The following LNPEP variants were observed in gnomAD, a reference collection of about 807,000 sequenced individuals.
LNPEP encodes the protein leucyl-cystinyl aminopeptidase.
Under a neutral mutation model 120.6 loss-of-function variants are expected in LNPEP, and 64 were observed. That is an observed-to-expected ratio of 0.53 (90% CI 0.43 to 0.65). The LOEUF is 0.65. LNPEP is among the 30% of genes least tolerant of loss of function. The pLI is 0.00. For synonymous variants in LNPEP, 435 were observed against 425.4 expected, an observed-to-expected ratio of 1.02 and a Z score of -0.28; for missense variants, 1,057 against 1,200.0, an observed-to-expected ratio of 0.88 and a Z score of 1.76.
At chr5:96,953,303 T>C (rs1404545601) in intron 1 of LNPEP, among the ~76,000 whole-genome samples, 1 of 149,896 alleles carries the variant, frequency 6.7e-6, no homozygotes, top group Non-Finnish European at 1.5e-5. Context: ...ATTAGCATTT[T>C]GTTAGTGTGA....
chr5:97,003,416 G>A lies in LNPEP; in HGVS notation c.1655G>A (p.Gly552Glu). ...TTTCCTCACTTTTTTTTTTAATAGG[G>A]ATCTTCTCTCTTGTTGATGTTGAAA... ...EMFDSLSYFK[G>E]SSLLLMLKTY... The change falls in exon 9 of 18, where the codon GGA becomes GAA. Residue 552 changes from glycine to glutamate, a missense_variant and splice_region_variant. Gly to Glu is a moderately conservative substitution (Grantham distance 98). Coordinates refer to ENST00000231368, the MANE Select transcript of LNPEP (RefSeq NM_005575.3). 1 of 1,510,598 alleles carries A rather than the reference G, an allele frequency of 6.6e-7. No homozygotes were observed. The highest frequency in any genetic ancestry group is 9.0e-7 in the Non-Finnish European group (1 of 1,112,772). The allele number at this position is 1,510,598 out of a possible 1,614,324, so 93.6% of individuals were successfully genotyped here.
Position 96,998,148 on chromosome 5 carries a change from A to G in LNPEP, c.1653+3A>G. On this transcript the variant is annotated splice_donor_region_variant and intron_variant, in intron 8 of 17. Coordinates refer to ENST00000231368, the MANE Select transcript of LNPEP (RefSeq NM_005575.3). The stretch of plus-strand genomic sequence containing the variant: ...TTGATTCTCTTTCCTATTTTAAGGT[A>G]TTGCTGTGAACAAAAAGGTAGCTGG... The G allele has an allele frequency of 6.3e-7, 1 of 1,590,558 alleles. No individual in the cohort carries two copies. Among genetic ancestry groups the G allele is most frequent in the Non-Finnish European group, 8.5e-7 (1 of 1,171,570 alleles).
intron 1 of LNPEP, among the ~76,000 whole-genome samples, chr5:96,978,711 C>T (rs1352962651): frequency 1.3e-5 from 2 of 152,110 alleles, no homozygotes; most frequent in East Asian, 3.9e-4. Context: ...AGAAGGGGAA[C>T]CGTGGACTGT....
chr5:96,942,602 C>T lies in LNPEP; in HGVS notation c.19+6428C>T, dbSNP rs182165112. ...CCAGGAGGCGGAGGTTGCAGTGAGC[C>T]GAGATCGTGCCACTGCATTCCAGCC... On this transcript the variant is annotated intron_variant, in intron 1 of 17. Transcript: ENST00000231368. Among the ~76,000 whole-genome samples the T allele has an allele frequency of 3.2e-3, 473 of 149,834 alleles. 6 individuals are homozygous for T. Among genetic ancestry groups the T allele is most frequent in the Admixed American group, 0.022 (327 of 14,948 alleles).
chr5:96,954,805 C>A (rs1789423433), intron 1 of LNPEP, among the ~76,000 whole-genome samples: 1 of 41,520 alleles, frequency 2.4e-5, no homozygotes, highest in African/African-American at 8.8e-5. Context: ...TTTTTTGAGA[C>A]AGAGTCTTGC....
chr5:96,978,756 C>T (rs986902241), intron 1 of LNPEP, among the ~76,000 whole-genome samples: 19 of 152,162 alleles, frequency 1.2e-4, no homozygotes, highest in African/African-American at 1.9e-4. Context: ...ACTGACTCCT[C>T]GCCTGGTGGG....
intron 3 of LNPEP, among the ~76,000 whole-genome samples, chr5:96,985,586 CTT>C (rs1321406688): frequency 1.3e-5 from 2 of 152,036 alleles, no homozygotes; most frequent in Admixed American, 6.6e-5. Context: ...AATAATAACT[CTT>C]TTTGGTGTTT....
chr5:97,030,458 A>G lies in LNPEP; in HGVS notation c.*1925A>G, dbSNP rs1791444752. ...TTTTTACCATGTGGTACTAAATTCC[A>G]CTTTGATACAAAATTTAAATTTTGT... On this transcript the variant is annotated 3_prime_UTR_variant, in exon 18 of 18. Transcript: ENST00000231368. The G allele has an allele frequency of 2.0e-5, 3 of 152,146 alleles. No individual in the cohort carries two copies. The South Asian group carries it at 6.2e-4, about 31-fold the overall frequency. 9.4% of individuals were successfully genotyped at this position (152,146 alleles called of 1,614,324 possible).
intron 9 of LNPEP, among the ~76,000 whole-genome samples, chr5:97,004,748 C>T (rs1790738772): frequency 6.6e-6 from 1 of 152,140 alleles, no homozygotes; most frequent in African/African-American, 2.4e-5. Flanking sequence ...AGAAGATATA[C>T]CTTCCCTACT....
chr5:97,026,541 C>T, intron 15 of LNPEP, 76 bp from the exon 16 acceptor site: 1 of 1,181,422 alleles, frequency 8.5e-7, no homozygotes, highest in Non-Finnish European at 1.2e-6. Context: ...GGAAACCATA[C>T]TAATTTTAAT....
chr5:96,943,512 C>G (rs576252588), intron 1 of LNPEP, among the ~76,000 whole-genome samples: 3 of 152,324 alleles, frequency 2.0e-5, no homozygotes, highest in Admixed American at 1.3e-4. Flanking sequence ...GTCTCGAACT[C>G]CTGGGCTCCA....
At chr5:96,937,021 G>A (rs982534960) in intron 1 of LNPEP, 3 of 152,210 alleles carry the variant, frequency 2.0e-5, no homozygotes, top group African/African-American at 7.2e-5. Flanking sequence ...GGGGTGAGAT[G>A]TCTTACCGTT....
chr5:96,959,898 C>T (rs1045221573), intron 1 of LNPEP, among the ~76,000 whole-genome samples: 2 of 148,044 alleles, frequency 1.4e-5, no homozygotes, highest in African/African-American at 4.9e-5. Flanking sequence ...TATTTCAACA[C>T]ATTTTAAATT....
At chr5:96,959,455 G>A (rs1266058526) in intron 1 of LNPEP, among the ~76,000 whole-genome samples, 1 of 152,114 alleles carries the variant, frequency 6.6e-6, no homozygotes, top group Non-Finnish European at 1.5e-5. Context: ...GAAGAGATAG[G>A]AATGGGATTA....
chr5:97,025,524 T>A (rs1369219162), intron 15 of LNPEP, among the ~76,000 whole-genome samples: 1 of 152,232 alleles, frequency 6.6e-6, no homozygotes, highest in African/African-American at 2.4e-5. Context: ...TGATAAAGAA[T>A]TTAAACAGTA....
intron 1 of LNPEP, among the ~76,000 whole-genome samples, chr5:96,973,592 A>G (rs1329236449): frequency 6.6e-6 from 1 of 152,164 alleles, no homozygotes; most frequent in Non-Finnish European, 1.5e-5. Flanking sequence ...ATTGGATATT[A>G]TAAGTAGTCT....
chr5:96,984,975 C>T, intron 2 of LNPEP, 105 bp from the exon 3 acceptor site: 7 of 1,229,574 alleles, frequency 5.7e-6, no homozygotes, highest in Non-Finnish European at 8.1e-6. Flanking sequence ...TATTGCAGAT[C>T]CTTTAGTAAC....
chr5:96,960,140 G>A (rs1482089133), intron 1 of LNPEP, among the ~76,000 whole-genome samples: 2 of 151,972 alleles, frequency 1.3e-5, no homozygotes, highest in East Asian at 3.9e-4. Flanking sequence ...GTTTCACCAT[G>A]TTGGCCAGGC....
intron 4 of LNPEP, among the ~76,000 whole-genome samples, chr5:96,991,848 A>G (rs1203104414): frequency 7.0e-6 from 1 of 142,464 alleles, no homozygotes; most frequent in Non-Finnish European, 1.5e-5. Flanking sequence ...TAAAATCATA[A>G]TGAGAAACTA....
Sources: allele counts gnomAD v4.1 joint callset (sites outside exome capture counted in the v4.1 genomes callset), GRCh38; gene constraint gnomAD v4.1.1; transcripts MANE v1.5; gene names NCBI Gene and HGNC (gene_info 2026-07-23, HGNC 2026-07-21).